Variants in CACNA1B observed in about 807,000 individuals in gnomAD.
The protein encoded by CACNA1B is calcium voltage-gated channel subunit alpha1 B.
Under a neutral mutation model 247.2 loss-of-function variants are expected in CACNA1B, and 70 were observed. That is an observed-to-expected ratio of 0.28 (90% CI 0.23 to 0.35). The LOEUF (loss-of-function observed/expected upper bound fraction) is 0.35, where lower values mean the gene tolerates loss of function less well. Among genes scored for constraint, CACNA1B ranks in the 10% least tolerant of loss-of-function variants. The pLI, the probability that CACNA1B is intolerant of heterozygous loss-of-function variation, is 1.00. For missense variants in CACNA1B, 2,367 were observed against 3,197.4 expected, an observed-to-expected ratio of 0.74 and a Z score of 6.26; for synonymous variants, 1,231 against 1,294.4, an observed-to-expected ratio of 0.95 and a Z score of 1.05.
intron 31 of CACNA1B, among the ~76,000 whole-genome samples, chr9:138,061,463 G>T (rs960391155): frequency 1.3e-5 from 2 of 152,082 alleles, no homozygotes; most frequent in Non-Finnish European, 2.9e-5. Context: ...CAGTACCATC[G>T]ATTGGCCGTT....
intron 3 of CACNA1B, among the ~76,000 whole-genome samples, chr9:137,887,105 G>A (rs767789956): frequency 0.017 from 2,581 of 151,946 alleles, 60 homozygotes; most frequent in African/African-American, 0.057. Context: ...TGAGGTTGGC[G>A]GAGCAGCGGA....
chr9:137,985,479 C>A (rs1008285163), intron 13 of CACNA1B, among the ~76,000 whole-genome samples: 2 of 152,210 alleles, frequency 1.3e-5, no homozygotes, highest in African/African-American at 2.4e-5. Context: ...CTGGCCTAGA[C>A]CCCTGCTAGT....
At chr9:138,080,086 T>A (rs1342357842) in intron 36 of CACNA1B, among the ~76,000 whole-genome samples, 2 of 152,122 alleles carry the variant, frequency 1.3e-5, no homozygotes, top group African/African-American at 4.8e-5. Flanking sequence ...TGGCCCTGAC[T>A]CCAAGGAGGA....
chr9:137,935,524 T>C (rs779778209), intron 6 of CACNA1B, among the ~76,000 whole-genome samples: 14 of 152,210 alleles, frequency 9.2e-5, no homozygotes, highest in Non-Finnish European at 1.3e-4. Context: ...TTGGGTTAGT[T>C]CTTAGTCTTT....
chr9:138,096,634 T>G (rs747630715), intron 37 of CACNA1B, 23 bp downstream of exon 37: 16 of 1,606,626 alleles, frequency 1.0e-5, no homozygotes, highest in Non-Finnish European at 1.4e-5. Flanking sequence ...TGGTGCTCTG[T>G]GGTCCTTGGG....
intron 15 of CACNA1B, among the ~76,000 whole-genome samples, chr9:137,998,705 A>G (rs1313534586): frequency 6.6e-6 from 1 of 152,232 alleles, no homozygotes; most frequent in Non-Finnish European, 1.5e-5. Flanking sequence ...ACGCCTCCAG[A>G]AGGAAAACAC....
At chr9:137,920,011 C>T (rs777051139) in intron 6 of CACNA1B, among the ~76,000 whole-genome samples, 4 of 152,216 alleles carry the variant, frequency 2.6e-5, no homozygotes, top group South Asian at 2.1e-4. Context: ...AGGACAGCAC[C>T]GCACGAGGAA....
intron 15 of CACNA1B, among the ~76,000 whole-genome samples, chr9:138,003,130 C>T (rs772920021): frequency 3.3e-5 from 5 of 149,494 alleles, no homozygotes; most frequent in Admixed American, 6.6e-5. Context: ...TGGGGTCTTG[C>T]GATTGTGCCA....
At chr9:137,905,965 C>A (rs927199619) in intron 3 of CACNA1B, among the ~76,000 whole-genome samples, 1 of 152,168 alleles carries the variant, frequency 6.6e-6, no homozygotes, top group Non-Finnish European at 1.5e-5. Context: ...GAATGTAGAC[C>A]AGATTTTTTC....
chr9:137,974,583 C>T lies in CACNA1B; in HGVS notation c.1544-1324C>T, dbSNP rs552203574. ...GGGCTGCTGCAGACTTGCCCCCGAC[C>T]GAGGCTGTCTGGACCTGTGCAGCAC... On this transcript the variant is annotated intron_variant, in intron 11 of 46. Coordinates refer to ENST00000371372, the MANE Select transcript of CACNA1B (RefSeq NM_000718.4). This position sits in a 1 kb window ranked among gnomAD's most constrained non-coding sequence, Gnocchi z 4.5. Among the ~76,000 whole-genome samples the T allele has an allele frequency of 4.5e-3, 685 of 152,282 alleles. 5 individuals are homozygous for T. The highest frequency in any genetic ancestry group is 0.015 in the African/African-American group (639 of 41,544).
At chr9:138,042,307 G>A (rs924657492) in intron 20 of CACNA1B, among the ~76,000 whole-genome samples, 3 of 152,182 alleles carry the variant, frequency 2.0e-5, no homozygotes, top group Admixed American at 6.5e-5. Flanking sequence ...AAAATTAGCT[G>A]GGTGTGTTGG....
chr9:137,895,704 TTAG>T (rs1588988768), intron 3 of CACNA1B, among the ~76,000 whole-genome samples: 1 of 152,350 alleles, frequency 6.6e-6, no homozygotes. Context: ...CTAAACTAAC[TTAG>T]TAGTAGTTCT....
At chr9:138,090,734 A>AAAAAC (rs1960849933) in intron 36 of CACNA1B, among the ~76,000 whole-genome samples, 1 of 132,472 alleles carries the variant, frequency 7.5e-6, no homozygotes, top group African/African-American at 3.0e-5. Context: ...AAAAAAAAAA[A>AAAAAC]TCAGATTAAT....
chr9:138,089,396 C>T (rs1159046423), intron 36 of CACNA1B, among the ~76,000 whole-genome samples: 1 of 152,076 alleles, frequency 6.6e-6, no homozygotes, highest in Non-Finnish European at 1.5e-5. Flanking sequence ...TAATACATTA[C>T]ATCAACAGAA....
chr9:138,039,164 C>T (rs1453954057), intron 20 of CACNA1B, among the ~76,000 whole-genome samples: 1 of 151,574 alleles, frequency 6.6e-6, no homozygotes, highest in African/African-American at 2.4e-5. Context: ...CCACTGCACT[C>T]CAGCCTGGGC....
In CACNA1B at chr9:137,917,501, C is replaced by G; in HGVS notation, c.966+70C>G. 2 of 1,378,042 alleles carry G rather than the reference C, an allele frequency of 1.5e-6. No homozygotes were observed. Among genetic ancestry groups the G allele is most frequent in the Non-Finnish European group, 2.0e-6 (2 of 990,334 alleles). 85.4% of individuals were successfully genotyped at this position (1,378,042 alleles called of 1,614,324 possible). A position where few individuals can be genotyped will look rare whatever the true frequency, so the allele number is the denominator to read the frequency against. ...TCCTGAGCTGGTGCCTCTGGGGGTC[C>G]ATTTAGGGGGGCCCTTCTGACCTCA... On this transcript the variant is annotated intron_variant, in intron 6 of 46. Coordinates refer to ENST00000371372, the MANE Select transcript of CACNA1B (RefSeq NM_000718.4). The surrounding 1 kb of genome is among the most constrained non-coding windows in gnomAD (Gnocchi z 5.5).
rs767009136 is a variant in CACNA1B, at chr9:138,084,046, G to A, written c.5094+5788G>A. Reference sequence around the variant, plus strand: ...CCCCTTCTTCCTGAATTGGACCAGTGCTATGCCCTGCCCCCACCCCGCCCA... The same window carrying A: ...CCCCTTCTTCCTGAATTGGACCAGTACTATGCCCTGCCCCCACCCCGCCCA... On this transcript the variant is annotated intron_variant, in intron 36 of 46. Transcript: ENST00000371372. Among the ~76,000 whole-genome samples, 89 of 150,788 alleles carry A rather than the reference G, an allele frequency of 5.9e-4. 1 individual carries two copies. Among genetic ancestry groups the A allele is most frequent in the Non-Finnish European group, 1.1e-3 (76 of 67,950 alleles).
At chr9:138,040,021 A>G (rs1384854509) in intron 20 of CACNA1B, among the ~76,000 whole-genome samples, 2 of 152,152 alleles carry the variant, frequency 1.3e-5, no homozygotes, top group African/African-American at 4.8e-5. Flanking sequence ...CTTTTCACGT[A>G]GCCATCACCT....
chr9:137,939,893 C>T (rs1214259845), intron 6 of CACNA1B, among the ~76,000 whole-genome samples: 1 of 150,804 alleles, frequency 6.6e-6, no homozygotes, highest in Non-Finnish European at 1.5e-5. Context: ...AGTGACGCAA[C>T]CTACCAAAAC....
Sources: allele counts gnomAD v4.1 joint callset (sites outside exome capture counted in the v4.1 genomes callset), GRCh38; gene constraint gnomAD v4.1.1; non-coding constraint Gnocchi (gnomAD v3.1); transcripts MANE v1.5; gene names NCBI Gene and HGNC (gene_info 2026-07-23, HGNC 2026-07-21).